Variants in PANX1 observed in about 807,000 individuals in gnomAD.
The protein encoded by PANX1 is pannexin 1.
A neutral mutation model predicts 38.7 loss-of-function variants in PANX1; 30 were observed. The ratio of observed to expected loss-of-function variants is 0.78; its 90% CI spans 0.58 to 1.05. PANX1 has a LOEUF of 1.05. Ranked by LOEUF, PANX1 falls within the 50% of genes least tolerant of loss-of-function variation. PANX1 has a pLI of 0.00. For missense variants in PANX1, 551 were observed against 517.2 expected (o/e 1.07, Z -0.63); for synonymous variants, 230 against 212.2 (o/e 1.08, Z -0.73).
At chr11:94,132,965 C>A (rs578169962) in intron 1 of PANX1, among the ~76,000 whole-genome samples, 1 of 152,208 alleles carries the variant, frequency 6.6e-6, no homozygotes, top group Non-Finnish European at 1.5e-5. Context: ...GGAATGTCCT[C>A]ATATGATAAA....
At position 94,180,292 on chromosome 11, in the gene PANX1, T is replaced by C. The variant is rs3020015; in HGVS notation, c.1201+35T>C. The C allele has an allele frequency of 0.66, 995,847 of 1,513,236 alleles. 330,057 individuals are homozygous for C. Among genetic ancestry groups the C allele is most frequent in the South Asian group, 0.8 (62,838 of 78,162 alleles). The allele number at this position is 1,513,236 out of a possible 1,614,324, so 93.7% of individuals were successfully genotyped here. A position where few individuals can be genotyped will look rare whatever the true frequency, so the allele number is the denominator to read the frequency against. ...GCTTTTGGCAGAGGCTACGGGAGTC[T>C]ACCGAGAGCCTTTGCAGCAGCCTTG... On this transcript the variant is annotated intron_variant, in intron 4 of 4. Coordinates refer to ENST00000227638, the MANE Select transcript of PANX1 (RefSeq NM_015368.4).
intron 2 of PANX1, among the ~76,000 whole-genome samples, chr11:94,161,476 T>C (rs1947033549): frequency 6.6e-6 from 1 of 152,246 alleles, no homozygotes; most frequent in South Asian, 2.1e-4. Context: ...TCATTTGATC[T>C]TCCATCACTG....
chr11:94,171,265 A>G (rs1591524026), intron 2 of PANX1, among the ~76,000 whole-genome samples: 1 of 151,598 alleles, frequency 6.6e-6, no homozygotes, highest in East Asian at 1.9e-4. Context: ...TGTCACTTGA[A>G]ACTAACTTCA....
At chr11:94,175,896 G>C (rs1211406334) in intron 2 of PANX1, 1 of 984,614 alleles carries the variant, frequency 1.0e-6, no homozygotes, top group South Asian at 4.7e-5. Flanking sequence ...TTGGTAAGAG[G>C]GCTTTGCAAA....
In PANX1 at chr11:94,178,599, T is replaced by C. The variant is rs760389309; in HGVS notation, c.545+7T>C. 38 of 1,605,122 alleles carry C rather than the reference T, an allele frequency of 2.4e-5. No individual in the cohort carries two copies. Among genetic ancestry groups the C allele is most frequent in the Non-Finnish European group, 1.8e-5 (21 of 1,172,158 alleles). Reference sequence around the variant, plus strand: ...CCGAGAACTTAGGGCAAAGGTAACTTAGCCCCAGCAGGCAGCTCATCGGGT... The same window carrying C: ...CCGAGAACTTAGGGCAAAGGTAACTCAGCCCCAGCAGGCAGCTCATCGGGT... On this transcript the variant is annotated splice_region_variant and intron_variant, in intron 3 of 4. Transcript: ENST00000227638.
intron 1 of PANX1, among the ~76,000 whole-genome samples, chr11:94,148,358 G>C (rs1377367772): frequency 3.3e-5 from 5 of 152,226 alleles, no homozygotes; most frequent in African/African-American, 1.2e-4. Context: ...TGATAGTTGA[G>C]AACTATAAGT....
Position 94,181,159 on chromosome 11 carries a change from C to A in PANX1, c.*290C>A. The A allele has an allele frequency of 5.8e-6, 2 of 343,894 alleles. No individual in the cohort carries two copies. Among genetic ancestry groups the A allele is most frequent in the Admixed American group, 4.1e-5 (1 of 24,672 alleles). The allele number at this position is 343,894 out of a possible 1,614,324, so 21.3% of individuals were successfully genotyped here. A position where few individuals can be genotyped will look rare whatever the true frequency, so the allele number is the denominator to read the frequency against. Reference sequence around the variant, plus strand: ...AAAGACAAGAACAATTAGTCAAGAGCAGTAGCCCTGTCAGAGCCTCGGAGC... The same window carrying A: ...AAAGACAAGAACAATTAGTCAAGAGAAGTAGCCCTGTCAGAGCCTCGGAGC... On this transcript the variant is annotated 3_prime_UTR_variant, in exon 5 of 5. Coordinates refer to ENST00000227638, the MANE Select transcript of PANX1 (RefSeq NM_015368.4).
intron 1 of PANX1, 108 bp downstream of exon 1, chr11:94,129,601 G>C (rs751467023): frequency 1.1e-5 from 11 of 1,020,698 alleles, no homozygotes; most frequent in Non-Finnish European, 1.6e-5. Flanking sequence ...TGTGATGGTC[G>C]TGAGCGTCAG....
chr11:94,149,242 T>C (rs1946858759), intron 1 of PANX1, among the ~76,000 whole-genome samples: 1 of 152,214 alleles, frequency 6.6e-6, no homozygotes, highest in African/African-American at 2.4e-5. Flanking sequence ...GTGGTGTCTT[T>C]GAGAAACCTC....
chr11:94,156,596 G>C (rs1478555556), intron 2 of PANX1, among the ~76,000 whole-genome samples: 2 of 136,822 alleles, frequency 1.5e-5, no homozygotes, highest in African/African-American at 7.4e-5. Flanking sequence ...TTGAATGACA[G>C]AGATCGGGGA....
chr11:94,132,963 C>T (rs1946648385), intron 1 of PANX1, among the ~76,000 whole-genome samples: 1 of 152,132 alleles, frequency 6.6e-6, no homozygotes, highest in Non-Finnish European at 1.5e-5. Context: ...AGGGAATGTC[C>T]TCATATGATA....
intron 1 of PANX1, among the ~76,000 whole-genome samples, chr11:94,142,943 T>C (rs1471895560): frequency 6.6e-6 from 1 of 152,150 alleles, no homozygotes. Flanking sequence ...CCCTTTTCTT[T>C]TTTGAGGTTC....
rs189230108 is a variant in PANX1 at position 94,134,773 on chromosome 11, C to T, written c.181+5280C>T. Among the ~76,000 whole-genome samples the T allele has an allele frequency of 8.7e-4, 132 of 152,036 alleles. 2 individuals are homozygous for T. The highest frequency in any genetic ancestry group is 1.6e-4 in the Non-Finnish European group (11 of 67,976). The stretch of plus-strand genomic sequence containing the variant: ...GGCCACAAGGAAAGGTGTGTGAGCA[C>T]GCTGGGAGAAGGGGGCCATCTGCAA... On this transcript the variant is annotated intron_variant, in intron 1 of 4. Coordinates refer to ENST00000227638, the MANE Select transcript of PANX1 (RefSeq NM_015368.4).
chr11:94,174,077 T>A (rs1301331693), intron 2 of PANX1, among the ~76,000 whole-genome samples: 1 of 151,572 alleles, frequency 6.6e-6, no homozygotes, highest in Non-Finnish European at 1.5e-5. Flanking sequence ...CACAGGCTTC[T>A]TCCTGTGTGT....
In PANX1 at chr11:94,180,256, A is replaced by G. The variant is rs79692921; in HGVS notation, c.1200A>G (p.Gln400=). The part of the protein sequence containing the change: ...EEQGNQTAEL[Q]GMNIDSETKA... ...AGGGGAACCAGACGGCAGAGCTCCAAGGTAGGGTTTGCTTTTGGCAGAGGC... is the reference window on the plus strand; with the variant it reads ...AGGGGAACCAGACGGCAGAGCTCCAGGGTAGGGTTTGCTTTTGGCAGAGGC... Residue 400 remains glutamine, a splice_region_variant and synonymous_variant, in exon 4 of 5, where the codon CAA becomes CAG. Transcript: ENST00000227638. 133 of 1,596,386 alleles carry G rather than the reference A, an allele frequency of 8.3e-5. No homozygotes were observed. The highest frequency in any genetic ancestry group is 1.0e-4 in the Non-Finnish European group (121 of 1,168,540).
chr11:94,153,390 C>T, intron 1 of PANX1, 101 bp from the exon 2 acceptor site: 1 of 1,188,658 alleles, frequency 8.4e-7, no homozygotes, highest in Non-Finnish European at 1.2e-6. Context: ...ACCTCCTGTC[C>T]TGGTGCTCCC....
At chr11:94,161,039 G>A (rs540154300) in intron 2 of PANX1, among the ~76,000 whole-genome samples, 1 of 152,312 alleles carries the variant, frequency 6.6e-6, no homozygotes, top group Admixed American at 6.5e-5. Flanking sequence ...CTTTAAGAAT[G>A]TTGAATATTG....
At chr11:94,141,977 C>T (rs956453199) in intron 1 of PANX1, among the ~76,000 whole-genome samples, 3 of 152,186 alleles carry the variant, frequency 2.0e-5, no homozygotes, top group African/African-American at 7.2e-5. Context: ...TGACAGGTGA[C>T]GACCTGGGGC....
At chr11:94,170,995 T>C (rs1947160437) in intron 2 of PANX1, among the ~76,000 whole-genome samples, 1 of 151,732 alleles carries the variant, frequency 6.6e-6, no homozygotes, top group South Asian at 2.1e-4. Context: ...TGTTTCTTCA[T>C]AGAAAACTCA....
Sources: gnomAD v4.1 joint callset for allele counts (sites outside exome capture counted in the v4.1 genomes callset) on GRCh38, gnomAD v4.1.1 for gene constraint, MANE v1.5 for transcripts, NCBI Gene and HGNC (gene_info 2026-07-23, HGNC 2026-07-21) for gene names.